Variants in HS6ST3 observed in about 807,000 individuals in gnomAD.
The protein encoded by HS6ST3 is heparan sulfate 6-O-sulfotransferase 3.
HS6ST3 carries 12 observed loss-of-function variants against 36.7 expected under a neutral mutation model. That is an observed-to-expected ratio of 0.33 (90% CI 0.21 to 0.53). HS6ST3 has a LOEUF of 0.53. HS6ST3 is among the 20% of genes least tolerant of loss of function. The probability of loss-of-function intolerance (pLI) is 0.95; values close to 1 mark genes in which losing one functional copy is unlikely to be tolerated. For missense variants in HS6ST3, 584 were observed against 640.9 expected (o/e 0.91, Z 0.96); for synonymous variants, 240 against 257.5 (o/e 0.93, Z 0.65).
chr13:96,518,703 T>G (rs530402976), intron 1 of HS6ST3, among the ~76,000 whole-genome samples: 1 of 152,174 alleles, frequency 6.6e-6, no homozygotes, highest in Admixed American at 6.5e-5. Flanking sequence ...GCTGTAAACA[T>G]TAGAATGTCT....
At chr13:96,592,658 A>C (rs1051667984) in intron 1 of HS6ST3, among the ~76,000 whole-genome samples, 14 of 152,126 alleles carry the variant, frequency 9.2e-5, no homozygotes, top group African/African-American at 3.1e-4. Context: ...TTGATCTGGG[A>C]AAGTATTTCT....
chr13:96,431,637 T>G lies in HS6ST3; in HGVS notation c.707+340068T>G, dbSNP rs142996712. ...CTCTGTCAAGCTAGTCCAGCTCCTT[T>G]TCAAAGATCTTCCACCTTCTTTATG... On this transcript the variant is annotated intron_variant, in intron 1 of 1. Transcript: ENST00000376705. 3.2e-3 allele frequency among the ~76,000 whole-genome samples: 495 copies of G among 152,336 alleles called. 1 individual carries two copies. Among genetic ancestry groups the G allele is most frequent in the African/African-American group, 0.012 (479 of 41,586 alleles).
At chr13:96,240,049 A>G (rs2054552862) in intron 1 of HS6ST3, among the ~76,000 whole-genome samples, 1 of 152,220 alleles carries the variant, frequency 6.6e-6, no homozygotes, top group Non-Finnish European at 1.5e-5. Flanking sequence ...AGAGTTGTGT[A>G]TTTCAAGCAA....
rs902206696 is a variant in HS6ST3, at chr13:96,836,844, T to C, written c.*3646T>C. The C allele has an allele frequency of 6.6e-6, 1 of 152,218 alleles. No individual in the cohort carries two copies. The highest frequency in any genetic ancestry group is 1.5e-5 in the Non-Finnish European group (1 of 68,050). 9.4% of individuals were successfully genotyped at this position (152,218 alleles called of 1,614,324 possible). On this transcript the variant is annotated 3_prime_UTR_variant, in exon 2 of 2. Transcript: ENST00000376705. ...CTTAAAGGCAAACTGGTTTTACAGCTCTGGTGTGTGATGTTACCAGACGCC... is the reference window on the plus strand; with the variant it reads ...CTTAAAGGCAAACTGGTTTTACAGCCCTGGTGTGTGATGTTACCAGACGCC...
At chr13:96,795,219 G>A (rs2138523070) in intron 1 of HS6ST3, among the ~76,000 whole-genome samples, 1 of 151,734 alleles carries the variant, frequency 6.6e-6, no homozygotes, top group African/African-American at 2.4e-5. Context: ...ACCTTTATAA[G>A]TGACTGGTAA....
At chr13:96,292,473 T>A (rs1272774955) in intron 1 of HS6ST3, among the ~76,000 whole-genome samples, 2 of 152,112 alleles carry the variant, frequency 1.3e-5, no homozygotes, top group Non-Finnish European at 2.9e-5. Context: ...AAAAGTACTT[T>A]ATTAAAGCCA....
intron 1 of HS6ST3, among the ~76,000 whole-genome samples, chr13:96,328,188 A>G (rs2139418774): frequency 1.4e-5 from 2 of 143,122 alleles, no homozygotes; most frequent in East Asian, 4.1e-4. Flanking sequence ...CTCCTGCCTA[A>G]TTGCCCTGGC....
intron 1 of HS6ST3, among the ~76,000 whole-genome samples, chr13:96,789,072 G>A (rs552601156): frequency 5.9e-5 from 9 of 151,402 alleles, no homozygotes; most frequent in East Asian, 1.9e-4. Context: ...TGCTTGTTCC[G>A]TTTGTTTTAA....
intron 1 of HS6ST3, among the ~76,000 whole-genome samples, chr13:96,208,700 C>T (rs139978490): frequency 7.2e-5 from 11 of 152,118 alleles, no homozygotes; most frequent in East Asian, 3.9e-4. Flanking sequence ...ATGGTTTATC[C>T]GAAACACAAT....
intron 1 of HS6ST3, among the ~76,000 whole-genome samples, chr13:96,532,018 C>G (rs920807070): frequency 6.6e-6 from 1 of 152,142 alleles, no homozygotes; most frequent in Non-Finnish European, 1.5e-5. Context: ...ATGTGTTAGA[C>G]AAGTAACAGC....
chr13:96,120,267 C>CT (rs1409924041), intron 1 of HS6ST3, among the ~76,000 whole-genome samples: 4 of 152,184 alleles, frequency 2.6e-5, no homozygotes, highest in Non-Finnish European at 5.9e-5. Context: ...TTCCTGGTTT[C>CT]TAGAACTGGT....
chr13:96,387,308 T>C (rs1213361698), intron 1 of HS6ST3, among the ~76,000 whole-genome samples: 8 of 152,184 alleles, frequency 5.3e-5, no homozygotes, highest in Admixed American at 5.2e-4. Context: ...ATCAGGAGTG[T>C]GGTGAATGAC....
intron 1 of HS6ST3, among the ~76,000 whole-genome samples, chr13:96,551,197 A>G (rs2056218071): frequency 6.6e-6 from 1 of 152,234 alleles, no homozygotes; most frequent in Non-Finnish European, 1.5e-5. Flanking sequence ...AGAGACAAAT[A>G]TAAGGAAGAT....
intron 1 of HS6ST3, among the ~76,000 whole-genome samples, chr13:96,626,385 C>T (rs1484812137): frequency 6.6e-6 from 1 of 152,152 alleles, no homozygotes; most frequent in African/African-American, 2.4e-5. Context: ...TCTACCCTTT[C>T]TCCACAGTTT....
At chr13:96,743,738 CTTGTAATATACAT>C (rs1250671357) in intron 1 of HS6ST3, among the ~76,000 whole-genome samples, 1 of 151,960 alleles carries the variant, frequency 6.6e-6, no homozygotes, top group African/African-American at 2.4e-5. Flanking sequence ...AGAGGGCTCT[CTTGTAATATACAT>C]TTGGGGTAGG....
intron 1 of HS6ST3, among the ~76,000 whole-genome samples, chr13:96,424,683 C>T (rs952036326): frequency 6.6e-6 from 1 of 152,114 alleles, no homozygotes; most frequent in African/African-American, 2.4e-5. Flanking sequence ...TTTTCTCCAG[C>T]CTCTTTTATA....
At chr13:96,800,680 T>C (rs1307503222) in intron 1 of HS6ST3, among the ~76,000 whole-genome samples, 1 of 152,034 alleles carries the variant, frequency 6.6e-6, no homozygotes, top group African/African-American at 2.4e-5. Context: ...CCACCCTCCT[T>C]ACTGGTTATC....
At chr13:96,572,249 T>C (rs2056303420) in intron 1 of HS6ST3, among the ~76,000 whole-genome samples, 1 of 152,188 alleles carries the variant, frequency 6.6e-6, no homozygotes, top group Admixed American at 6.5e-5. Context: ...GAAAATGAAT[T>C]ATTATTACTA....
rs1051013641 is a variant in HS6ST3, at chr13:96,657,274, T to C, written c.708-175216T>C. ...TAGAACTCATTCACTTTTACGATGCTTTAAGGCCAGGCACAGTGGCTCACA... is the reference window on the plus strand; with the variant it reads ...TAGAACTCATTCACTTTTACGATGCCTTAAGGCCAGGCACAGTGGCTCACA... On this transcript the variant is annotated intron_variant, in intron 1 of 1. Coordinates refer to ENST00000376705, the MANE Select transcript of HS6ST3 (RefSeq NM_153456.4). Among the ~76,000 whole-genome samples, 7 of 152,202 alleles carry C rather than the reference T, an allele frequency of 4.6e-5. No homozygotes were observed. The East Asian group carries it at 1.4e-3, about 29-fold the overall frequency.
Sources: gnomAD v4.1 joint callset for allele counts (sites outside exome capture counted in the v4.1 genomes callset) on GRCh38, gnomAD v4.1.1 for gene constraint, MANE v1.5 for transcripts, NCBI Gene and HGNC (gene_info 2026-07-23, HGNC 2026-07-21) for gene names.